SCUBE1: variants seen among roughly 807,000 people sequenced by gnomAD.
SCUBE1 encodes the protein signal peptide, CUB and EGF-like domain-containing protein 1.
A neutral mutation model predicts 124.4 loss-of-function variants in SCUBE1; 59 were observed. That is an observed-to-expected ratio of 0.47 (90% confidence interval 0.38 to 0.59). The LOEUF (loss-of-function observed/expected upper bound fraction) is 0.59, where lower values mean the gene tolerates loss of function less well. Ranked by LOEUF, SCUBE1 falls within the 20% of genes least tolerant of loss-of-function variation. The probability of loss-of-function intolerance (pLI) is 0.00; values close to 1 mark genes in which losing one functional copy is unlikely to be tolerated. For synonymous variants in SCUBE1, 545 were observed against 550.9 expected (o/e 0.99, Z 0.15); for missense variants, 1,150 against 1,371.2 (o/e 0.84, Z 2.55).
At chr22:43,278,964 G>C (rs1924649044) in intron 4 of SCUBE1, among the ~76,000 whole-genome samples, 1 of 152,156 alleles carries the variant, frequency 6.6e-6, no homozygotes, top group South Asian at 2.1e-4. Context: ...AGGTTTGGGG[G>C]AAGGACAGTG....
rs151299051 is a variant in SCUBE1, at chr22:43,221,192, G to A, written c.1530C>T (p.Thr510=). Reference sequence around the variant, plus strand: ...ACTCACCCAGCAGCGGCTGCCTGGCGGTCTCCTTTGCTCGTGCCTGGCTGT... The same window carrying A: ...ACTCACCCAGCAGCGGCTGCCTGGCAGTCTCCTTTGCTCGTGCCTGGCTGT... The part of the protein sequence containing the change: ...RPHSQARAKE[T]ARQPLLDHCH... The change falls in exon 13 of 22, where the codon ACC becomes ACT. Residue 510 remains threonine (T), a synonymous_variant. Coordinates refer to ENST00000360835, the MANE Select transcript of SCUBE1 (RefSeq NM_173050.5). 19 of 1,610,364 alleles carry A rather than the reference G, an allele frequency of 1.2e-5. No homozygotes were observed. Among genetic ancestry groups the A allele is most frequent in the Middle Eastern group, 1.7e-4 (1 of 6,042 alleles).
Position 43,292,736 on chromosome 22 carries a change from A to G in SCUBE1, c.350-1556T>C, listed in dbSNP as rs116351130. ...ACTTGGCTGTGGAGCGATTTGAGCC[A>G]GGTCCTATTTAGACTCATGGACGAC... On this transcript the variant is annotated intron_variant, in intron 3 of 21. Transcript: ENST00000360835. Among the ~76,000 whole-genome samples, 852 of 152,350 alleles carry G rather than the reference A, an allele frequency of 5.6e-3. 14 individuals are homozygous for G. The highest frequency in any genetic ancestry group is 0.019 in the African/African-American group (803 of 41,578).
chr22:43,238,477 C>T (rs569069893), intron 7 of SCUBE1: 25 of 569,604 alleles, frequency 4.4e-5, no homozygotes, highest in Admixed American at 1.9e-4. Flanking sequence ...CTACATTCTA[C>T]GCGCCTTGGG....
chr22:43,218,563 C>T (rs1183666574), intron 14 of SCUBE1, 105 bp from the exon 15 acceptor site: 2 of 1,128,256 alleles, frequency 1.8e-6, no homozygotes, highest in African/African-American at 1.5e-5. Flanking sequence ...GGGCTCGGAC[C>T]TCCTCAGCAC....
intron 6 of SCUBE1, among the ~76,000 whole-genome samples, chr22:43,248,058 G>A (rs1923287190): frequency 6.6e-6 from 1 of 152,278 alleles, no homozygotes; most frequent in African/African-American, 2.4e-5. Flanking sequence ...GTGCCAAAGA[G>A]GGCTCTGGCC....
intron 14 of SCUBE1, 89 bp downstream of exon 14, chr22:43,220,361 G>T: frequency 6.9e-7 from 1 of 1,457,488 alleles, no homozygotes; most frequent in Non-Finnish European, 9.4e-7. Context: ...TGGGAGCCTA[G>T]CTTCATGCCT....
intron 7 of SCUBE1, chr22:43,237,522 C>T (rs1922817994): frequency 6.6e-6 from 1 of 152,220 alleles, no homozygotes; most frequent in Non-Finnish European, 1.5e-5. Context: ...TCAGATGCCA[C>T]CCACCTGCCC....
chr22:43,325,630 G>C (rs182661695), intron 2 of SCUBE1, among the ~76,000 whole-genome samples: 2 of 152,168 alleles, frequency 1.3e-5, no homozygotes, highest in Admixed American at 6.5e-5. Context: ...CAAAAGATCT[G>C]AGCAGCTTTC....
chr22:43,209,186 T>G (rs34095867), intron 19 of SCUBE1, among the ~76,000 whole-genome samples: 1 of 152,104 alleles, frequency 6.6e-6, no homozygotes, highest in Non-Finnish European at 1.5e-5. Context: ...GGAGCAGCCC[T>G]GGCGCAGACC....
Position 43,211,613 on chromosome 22 carries a change from T to C in SCUBE1, c.2222-530A>G, listed in dbSNP as rs1320785467. ...CTCACTGCAACCTCCACCTCCTGGG[T>C]TCAAGCGATCCTCCCCTCCCAGTCT... On this transcript the variant is annotated intron_variant, in intron 17 of 21. Transcript: ENST00000360835. This position sits in a 1 kb window ranked among gnomAD's most constrained non-coding sequence, Gnocchi z 4.5. Among the ~76,000 whole-genome samples, 1 of 150,064 alleles carries C rather than the reference T, an allele frequency of 6.7e-6. No individual in the cohort carries two copies. The highest frequency in any genetic ancestry group is 1.5e-5 in the Non-Finnish European group (1 of 67,668).
intron 3 of SCUBE1, among the ~76,000 whole-genome samples, chr22:43,304,732 C>T (rs1925903075): frequency 6.6e-6 from 1 of 152,236 alleles, no homozygotes; most frequent in South Asian, 2.1e-4. Context: ...CGAGCCCTTC[C>T]CATCTCCAGG....
intron 1 of SCUBE1, among the ~76,000 whole-genome samples, chr22:43,342,487 C>T (rs867010192): frequency 3.3e-5 from 5 of 151,906 alleles, no homozygotes; most frequent in Non-Finnish European, 7.4e-5. Context: ...TCTCTCTTTC[C>T]CGGTCTCCCT....
At chr22:43,214,046 C>CGGGGGGGGGGGGGGGGGGGGGGGG in intron 16 of SCUBE1, 44 bp downstream of exon 16, 4 of 422,702 alleles carry the variant, frequency 9.5e-6, no homozygotes, top group Non-Finnish European at 1.7e-5. Context: ...GAGGAGCCCC[C>CGGGGGGGGGGGGGGGGGGGGGGGG]GCCCACCCCC....
chr22:43,266,700 T>C (rs5759239), intron 4 of SCUBE1, among the ~76,000 whole-genome samples: 39,669 of 152,090 alleles, frequency 0.26, 6,588 homozygotes, highest in East Asian at 0.88. Context: ...AGATGGCTAA[T>C]AGGGAGCAGA....
At chr22:43,256,139 G>A (rs557326481) in intron 6 of SCUBE1, among the ~76,000 whole-genome samples, 6 of 152,260 alleles carry the variant, frequency 3.9e-5, no homozygotes, top group East Asian at 1.9e-4. Flanking sequence ...ACACACACAC[G>A]CACACACATA....
At position 43,210,841 on chromosome 22, in the gene SCUBE1, G is replaced by A; in HGVS notation, c.2383+81C>T. ...CAGTGTCCTCGTGGAGCTCGTGTGAGATCAGGTCTCCTCCCGCCCCCACAA... is the reference window on the plus strand; with the variant it reads ...CAGTGTCCTCGTGGAGCTCGTGTGAAATCAGGTCTCCTCCCGCCCCCACAA... On this transcript the variant is annotated intron_variant, in intron 18 of 21. Transcript: ENST00000360835. The surrounding 1 kb of genome is among the most constrained non-coding windows in gnomAD (Gnocchi z 4.5). The A allele has an allele frequency of 6.6e-7, 1 of 1,517,536 alleles. No homozygotes were observed. The highest frequency in any genetic ancestry group is 9.1e-7 in the Non-Finnish European group (1 of 1,100,678). 94.0% of individuals were successfully genotyped at this position (1,517,536 alleles called of 1,614,324 possible).
intron 1 of SCUBE1, among the ~76,000 whole-genome samples, chr22:43,339,769 C>T (rs1406911790): frequency 1.0e-5 from 1 of 98,040 alleles, no homozygotes; most frequent in African/African-American, 3.7e-5. Flanking sequence ...CCACTCTCCT[C>T]ATTCTATCCC....
chr22:43,326,475 G>C (rs530508015), intron 2 of SCUBE1, among the ~76,000 whole-genome samples: 1 of 152,188 alleles, frequency 6.6e-6, no homozygotes, highest in African/African-American at 2.4e-5. Context: ...CCCTGTCTCC[G>C]GTGGCTCGGG....
In SCUBE1 at chr22:43,281,558, C is replaced by CCTTCACAGCCA. The variant is rs1569011128; in HGVS notation, c.484+9487_484+9488insTGGCTGTGAAG. On this transcript the variant is annotated intron_variant, in intron 4 of 21. Transcript: ENST00000360835. ...CCCTCAGTCACCCTCCTGTCACCTC[C>CCTTCACAGCCA]CCCTCAGCCACCCTCCTGTCACCTC... is the stretch of plus-strand genomic sequence containing the variant. Among the ~76,000 whole-genome samples, 4 of 127,854 alleles carry CCTTCACAGCCA rather than the reference C, an allele frequency of 3.1e-5. No individual in the cohort carries two copies. In the East Asian group the frequency reaches 8.7e-4, roughly 28 times the overall value. The allele number at this position is 127,854 out of a possible 152,430, so 83.9% of individuals were successfully genotyped here.
Sources: allele counts gnomAD v4.1 joint callset (sites outside exome capture counted in the v4.1 genomes callset), GRCh38; gene constraint gnomAD v4.1.1; non-coding constraint Gnocchi (gnomAD v3.1); transcripts MANE v1.5; gene names NCBI Gene and HGNC (gene_info 2026-07-23, HGNC 2026-07-21).